The following SLC1A2 variants were observed in gnomAD, a reference collection of about 807,000 sequenced individuals.
SLC1A2 encodes solute carrier family 1 member 2.
A neutral mutation model predicts 48.8 loss-of-function variants in SLC1A2; 15 were observed. That is an observed-to-expected ratio of 0.31 (90% CI 0.21 to 0.47). SLC1A2 has a LOEUF of 0.47. Ranked by LOEUF, SLC1A2 falls within the 20% of genes least tolerant of loss-of-function variation. SLC1A2 has a pLI of 0.99. For synonymous variants in SLC1A2, 279 were observed against 272.6 expected (o/e 1.02, Z -0.23); for missense variants, 502 against 730.5 (o/e 0.69, Z 3.61).
At chr11:35,278,273 G>GTTTTTTTTT (rs35889672) in intron 9 of SLC1A2, among the ~76,000 whole-genome samples, 51 of 88,528 alleles carry the variant, frequency 5.8e-4, no homozygotes, top group African/African-American at 8.0e-4. Flanking sequence ...GTTTTTTTTT[G>GTTTTTTTTT]TTTTTTTTTT....
At chr11:35,275,492 C>A (rs141687574) in intron 9 of SLC1A2, among the ~76,000 whole-genome samples, 47 of 152,314 alleles carry the variant, frequency 3.1e-4, no homozygotes, top group African/African-American at 1.1e-3. Flanking sequence ...AAAGGGCTTC[C>A]TGGACCCAGG....
chr11:35,288,176 A>C (rs1395410491), intron 7 of SLC1A2, among the ~76,000 whole-genome samples: 1 of 152,176 alleles, frequency 6.6e-6, no homozygotes, highest in African/African-American at 2.4e-5. Flanking sequence ...CCCTAAAACT[A>C]GGGATGCGAG....
At chr11:35,332,860 C>A (rs909959487) in intron 1 of SLC1A2, among the ~76,000 whole-genome samples, 1 of 152,168 alleles carries the variant, frequency 6.6e-6, no homozygotes, top group African/African-American at 2.4e-5. Flanking sequence ...AGAGAACATG[C>A]AATACAATTT....
At chr11:35,313,553 T>A (rs1014911675) in intron 3 of SLC1A2, among the ~76,000 whole-genome samples, 1 of 152,178 alleles carries the variant, frequency 6.6e-6, no homozygotes, top group African/African-American at 2.4e-5. Context: ...TAGTCCTTTT[T>A]GCTATGGGGG....
At chr11:35,315,465 T>G (rs1263412375) in intron 2 of SLC1A2, 1 of 279,358 alleles carries the variant, frequency 3.6e-6, no homozygotes, top group Non-Finnish European at 7.1e-6. Context: ...TTTGAGGCTA[T>G]TTGTCTACTT....
intron 1 of SLC1A2, among the ~76,000 whole-genome samples, chr11:35,336,082 C>T (rs1333344331): frequency 6.7e-6 from 1 of 149,192 alleles, no homozygotes; most frequent in Non-Finnish European, 1.5e-5. Flanking sequence ...AACCAAACAC[C>T]ACATGTTTTC....
chr11:35,341,870 A>C (rs1168521270), intron 1 of SLC1A2, among the ~76,000 whole-genome samples: 1 of 152,248 alleles, frequency 6.6e-6, no homozygotes, highest in African/African-American at 2.4e-5. Context: ...AAATGTCATC[A>C]ATAGAGGAGT....
intron 1 of SLC1A2, among the ~76,000 whole-genome samples, chr11:35,372,462 A>G (rs534340565): frequency 1.7e-4 from 26 of 152,350 alleles, no homozygotes; most frequent in African/African-American, 5.8e-4. Context: ...TCTCAAGTAC[A>G]CACTCCATAC....
At chr11:35,265,484 A>G (rs926015293) in intron 10 of SLC1A2, 43 bp downstream of exon 10, 5 of 944,672 alleles carry the variant, frequency 5.3e-6, no homozygotes, top group South Asian at 1.4e-5. Flanking sequence ...TCAAGCATGC[A>G]CTACTATATA....
intron 1 of SLC1A2, among the ~76,000 whole-genome samples, chr11:35,414,039 A>G (rs893192968): frequency 1.3e-5 from 2 of 152,222 alleles, no homozygotes; most frequent in African/African-American, 2.4e-5. Context: ...TCTAGCCATC[A>G]AATCGAGTTC....
At chr11:35,263,531 G>A (rs1950430241) in intron 10 of SLC1A2, among the ~76,000 whole-genome samples, 1 of 152,062 alleles carries the variant, frequency 6.6e-6, no homozygotes, top group South Asian at 2.1e-4. Flanking sequence ...AACAAATCCA[G>A]GAAGTCTGAA....
Position 35,312,337 on chromosome 11 carries a change from G to A in SLC1A2, c.422C>T (p.Ala141Val), listed in dbSNP as rs776641267. The change falls in exon 4 of 11, where the codon GCT becomes GTT. Residue 141 changes from alanine to valine, a missense_variant. Ala to Val is a moderately conservative substitution (Grantham distance 64). This residue lies in a region of SLC1A2 where 309 missense variants were observed against 480.3 expected (regional missense o/e 0.64). Coordinates refer to ENST00000278379, the MANE Select transcript of SLC1A2 (RefSeq NM_004171.4). ...GAGCTTGGGATTGCCTGGATGGATAGCCAAGACCAGAATGACCCCCAGTAC... is the reference window on the plus strand; with the variant it reads ...GAGCTTGGGATTGCCTGGATGGATAACCAAGACCAGAATGACCCCCAGTAC... ...AAVLGVILVL[A>V]IHPGNPKLKK... The A allele has an allele frequency of 2.5e-6, 4 of 1,614,118 alleles. No homozygotes were observed. Among genetic ancestry groups the A allele is most frequent in the East Asian group, 2.2e-5 (1 of 44,884 alleles).
At chr11:35,271,411 A>T (rs768396386) in intron 9 of SLC1A2, among the ~76,000 whole-genome samples, 7 of 152,262 alleles carry the variant, frequency 4.6e-5, no homozygotes, top group Non-Finnish European at 7.3e-5. Context: ...AAAAGCAGAC[A>T]GTCTAGGCTG....
At chr11:35,328,275 G>A (rs189591476) in intron 1 of SLC1A2, among the ~76,000 whole-genome samples, 1 of 152,124 alleles carries the variant, frequency 6.6e-6, no homozygotes, top group South Asian at 2.1e-4. Flanking sequence ...TCCAACTCTG[G>A]TTCTTCACCG....
chr11:35,403,387 T>C (rs1268572412), intron 1 of SLC1A2, among the ~76,000 whole-genome samples: 1 of 152,242 alleles, frequency 6.6e-6, no homozygotes, highest in East Asian at 1.9e-4. Context: ...CTTATGAGAA[T>C]ATTCTAGTGC....
At position 35,265,670 on chromosome 11, in the gene SLC1A2, T is replaced by C. The variant is rs543443827; in HGVS notation, c.1510A>G (p.Ile504Val). 2 of 1,613,794 alleles carry C rather than the reference T, an allele frequency of 1.2e-6. No homozygotes were observed. The highest frequency in any genetic ancestry group is 2.2e-5 in the East Asian group (1 of 44,880). The part of the protein sequence containing the change: ...YHLSKSELDT[I>V]DSQHRVHEDI... ...TCATGCACTCGATGCTGGGAGTCAATGGTATCCAGCTCAGACTTGGAGAGG... is the reference window on the plus strand; with the variant it reads ...TCATGCACTCGATGCTGGGAGTCAACGGTATCCAGCTCAGACTTGGAGAGG... Residue 504 changes from isoleucine to valine, a missense_variant, in exon 10 of 11, where the codon ATT becomes GTT. Around this residue, in one of 4 missense-constraint regions of SLC1A2, gnomAD observed 102 missense variants for 107.2 expected, o/e 0.95. Transcript: ENST00000278379.
intron 6 of SLC1A2, among the ~76,000 whole-genome samples, chr11:35,296,798 G>T (rs1591440630): frequency 6.6e-6 from 1 of 152,194 alleles, no homozygotes; most frequent in Non-Finnish European, 1.5e-5. Context: ...CACCACGTGG[G>T]CCATCACTTC....
In SLC1A2 at chr11:35,301,879, G is replaced by A. The variant is rs371354426; in HGVS notation, c.731-234C>T. ...GCAAGTTAAACTGTAAGCAGCATTA[G>A]GTCCTTGAAGAAAATGTATTCATTT... On this transcript the variant is annotated intron_variant, in intron 5 of 10. Transcript: ENST00000278379. Among the ~76,000 whole-genome samples, 83 of 152,264 alleles carry A rather than the reference G, an allele frequency of 5.5e-4. 1 individual carries two copies. Among genetic ancestry groups the A allele is most frequent in the South Asian group, 3.9e-3 (19 of 4,828 alleles).
intron 5 of SLC1A2, among the ~76,000 whole-genome samples, chr11:35,304,753 GAACA>G (rs892242819): frequency 6.6e-6 from 1 of 151,050 alleles, no homozygotes; most frequent in Non-Finnish European, 1.5e-5. Context: ...ACCAAATTTG[GAACA>G]AACAAACAAA....
Sources: gnomAD v4.1 joint callset for allele counts (sites outside exome capture counted in the v4.1 genomes callset) on GRCh38, gnomAD v4.1.1 for gene constraint, gnomAD v4.1.1 regional missense constraint, MANE v1.5 for transcripts, NCBI Gene and HGNC (gene_info 2026-07-23, HGNC 2026-07-21) for gene names.